EXOC4: variants seen among roughly 807,000 people sequenced by gnomAD.
EXOC4 encodes SEC8-like 1.
A neutral mutation model predicts 107.2 loss-of-function variants in EXOC4; 71 were observed. That is an observed-to-expected ratio of 0.66 (90% CI 0.55 to 0.81). The LOEUF (loss-of-function observed/expected upper bound fraction) is 0.81, where lower values mean the gene tolerates loss of function less well. EXOC4 is among the 30% of genes least tolerant of loss of function. EXOC4 has a pLI of 0.00. For synonymous variants in EXOC4, 456 were observed against 441.2 expected, an observed-to-expected ratio of 1.03 and a Z score of -0.42; for missense variants, 1,108 against 1,189.6, an observed-to-expected ratio of 0.93 and a Z score of 1.01.
At chr7:133,786,797 A>G (rs900712044) in intron 10 of EXOC4, among the ~76,000 whole-genome samples, 2 of 152,246 alleles carry the variant, frequency 1.3e-5, no homozygotes, top group Non-Finnish European at 2.9e-5. Flanking sequence ...CTTATGGTTT[A>G]AGTATCTCAT....
chr7:133,939,727 AG>A (rs1312344931), intron 14 of EXOC4, among the ~76,000 whole-genome samples: 2 of 152,224 alleles, frequency 1.3e-5, no homozygotes, highest in Non-Finnish European at 2.9e-5. Context: ...CTATAAGAAT[AG>A]AAAATGTGTC....
Position 133,837,146 on chromosome 7 carries a change from T to C in EXOC4, c.1734+19602T>C, listed in dbSNP as rs574788342. 3.9e-5 allele frequency among the ~76,000 whole-genome samples: 6 copies of C among 152,326 alleles called. No homozygotes were observed. The East Asian group carries it at 1.2e-3, about 29-fold the overall frequency. ...GAAAAAACTTTGGCCTGGAATTCAA[T>C]TGAACTAACAATTTTTGAATGCCTA... On this transcript the variant is annotated intron_variant, in intron 11 of 17. Coordinates refer to ENST00000253861, the MANE Select transcript of EXOC4 (RefSeq NM_021807.4).
intron 17 of EXOC4, among the ~76,000 whole-genome samples, chr7:134,036,768 T>G (rs1316359538): frequency 1.3e-5 from 2 of 152,234 alleles, no homozygotes; most frequent in South Asian, 2.1e-4. Context: ...TCTCAAAGTT[T>G]CCTTGTTTTG....
chr7:133,300,950 G>A (rs1794628673), intron 3 of EXOC4, among the ~76,000 whole-genome samples: 2 of 151,830 alleles, frequency 1.3e-5, no homozygotes, highest in African/African-American at 4.8e-5. Context: ...AAAAATTTCC[G>A]ACTTGGGAAA....
chr7:133,282,947 G>GGT (rs1245485864), intron 2 of EXOC4, among the ~76,000 whole-genome samples: 1 of 152,124 alleles, frequency 6.6e-6, no homozygotes, highest in Non-Finnish European at 1.5e-5. Context: ...CTCTCACCCT[G>GGT]AGCCCCTGGT....
At chr7:133,445,189 G>A (rs539758105) in intron 7 of EXOC4, among the ~76,000 whole-genome samples, 1 of 152,188 alleles carries the variant, frequency 6.6e-6, no homozygotes, top group South Asian at 2.1e-4. Context: ...ACTCATTATA[G>A]AATCTACTCA....
chr7:133,458,879 C>T (rs1798525223), intron 7 of EXOC4, among the ~76,000 whole-genome samples: 1 of 151,212 alleles, frequency 6.6e-6, no homozygotes, highest in Non-Finnish European at 1.5e-5. Flanking sequence ...ACACCCCCGC[C>T]CTGTGAAGGG....
intron 9 of EXOC4, among the ~76,000 whole-genome samples, chr7:133,564,965 A>G (rs949457781): frequency 6.6e-6 from 1 of 152,196 alleles, no homozygotes; most frequent in African/African-American, 2.4e-5. Flanking sequence ...CCAAGTACAG[A>G]CAACCTCGGG....
At chr7:133,742,846 G>A (rs1269575571) in intron 10 of EXOC4, among the ~76,000 whole-genome samples, 1 of 152,160 alleles carries the variant, frequency 6.6e-6, no homozygotes, top group Non-Finnish European at 1.5e-5. Flanking sequence ...AATAGAATAT[G>A]TGTTAAAAAT....
chr7:133,496,176 G>T (rs1298436863), intron 9 of EXOC4, among the ~76,000 whole-genome samples: 3 of 151,948 alleles, frequency 2.0e-5, no homozygotes, highest in Non-Finnish European at 2.9e-5. Flanking sequence ...TTGAGATGCG[G>T]TCTTGCTCTG....
chr7:133,715,578 G>T (rs968937251), intron 10 of EXOC4, among the ~76,000 whole-genome samples: 6 of 151,914 alleles, frequency 3.9e-5, no homozygotes, highest in African/African-American at 1.5e-4. Context: ...CAGTCATACA[G>T]TATAAAAACC....
At chr7:133,914,874 C>G (rs528283914) in intron 12 of EXOC4, among the ~76,000 whole-genome samples, 1 of 152,082 alleles carries the variant, frequency 6.6e-6, no homozygotes, top group Admixed American at 6.6e-5. Context: ...CACTTGACAT[C>G]TACAAGAACT....
chr7:133,992,038 T>G (rs1794273346), intron 14 of EXOC4, among the ~76,000 whole-genome samples: 1 of 152,200 alleles, frequency 6.6e-6, no homozygotes, highest in Admixed American at 6.5e-5. Flanking sequence ...TGTAGGTTGC[T>G]TTTGGTACTA....
intron 3 of EXOC4, among the ~76,000 whole-genome samples, chr7:133,303,338 G>A (rs1192290550): frequency 6.6e-6 from 1 of 152,214 alleles, no homozygotes; most frequent in Non-Finnish European, 1.5e-5. Flanking sequence ...GGAGGCTGAG[G>A]CAGGAGAATC....
intron 10 of EXOC4, among the ~76,000 whole-genome samples, chr7:133,710,577 G>A (rs192410265): frequency 0.01 from 1,498 of 148,938 alleles, 10 homozygotes; most frequent in Non-Finnish European, 0.018. Flanking sequence ...GGAGAATGGC[G>A]TGAACCCGGG....
At chr7:134,099,687 C>A in the EXOC4 span, among the ~76,000 whole-genome samples, 1 of 151,942 alleles carries the variant, frequency 6.6e-6, no homozygotes, top group Admixed American at 6.6e-5. Flanking sequence ...CCCGCCACCT[C>A]GCCAGGCTAA....
At chr7:133,997,719 T>C in intron 15 of EXOC4, 86 bp downstream of exon 15, 10 of 1,447,828 alleles carry the variant, frequency 6.9e-6, no homozygotes, top group Non-Finnish European at 9.4e-6. Context: ...AGTATCACCA[T>C]AATTTCTGGC....
chr7:133,376,392 A>G (rs889746551), intron 7 of EXOC4, among the ~76,000 whole-genome samples: 9 of 152,208 alleles, frequency 5.9e-5, no homozygotes, highest in Non-Finnish European at 1.2e-4. Context: ...TGCCTTTCGT[A>G]TCCATGTTTA....
chr7:134,090,898 A>G, the EXOC4 span, among the ~76,000 whole-genome samples: 1 of 151,940 alleles, frequency 6.6e-6, no homozygotes, highest in East Asian at 1.9e-4. Flanking sequence ...GGGGCCTCTA[A>G]CCCACTCTGT....
Sources: gnomAD v4.1 joint callset for allele counts (sites outside exome capture counted in the v4.1 genomes callset) on GRCh38, gnomAD v4.1.1 for gene constraint, MANE v1.5 for transcripts, NCBI Gene and HGNC (gene_info 2026-07-23, HGNC 2026-07-21) for gene names.